The following LYRM4 variants were observed in gnomAD, a reference collection of about 807,000 sequenced individuals.
The protein encoded by LYRM4 is LYR motif containing 4, also known as LYR motif-containing protein 4.
Under a neutral mutation model 11.7 loss-of-function variants are expected in LYRM4, and 9 were observed. The ratio of observed to expected loss-of-function variants is 0.77; its 90% CI spans 0.46 to 1.34. The LOEUF is 1.34. Among genes scored for constraint, LYRM4 ranks in the 40% most tolerant of loss-of-function variants. LYRM4 has a pLI of 0.00. For synonymous variants in LYRM4, 42 were observed against 40.4 expected (o/e 1.04, Z -0.15); for missense variants, 133 against 112.5 (o/e 1.18, Z -0.82).
the LYRM4 span, chr6:5,085,152 C>T: frequency 2.9e-6 from 1 of 346,392 alleles, no homozygotes; most frequent in Non-Finnish European, 5.2e-6. Context: ...CCGCATTCCA[C>T]CGGAGCACTC....
At chr6:5,248,298 G>T (rs1452017402) in intron 1 of LYRM4, among the ~76,000 whole-genome samples, 1 of 152,202 alleles carries the variant, frequency 6.6e-6, no homozygotes, top group African/African-American at 2.4e-5. Context: ...CTGTAGCCAG[G>T]CCTCTGGAAA....
rs137923233 is a variant in LYRM4, at chr6:5,213,364, G to A, written c.207+3254C>T. On this transcript the variant is annotated intron_variant, in intron 2 of 2. Coordinates refer to ENST00000330636, the MANE Select transcript of LYRM4 (RefSeq NM_020408.6). ...ATCATTAGCACCACAGCTGACTCAC[G>A]TGACTGAAGAAGCCACCCTCTGAAG... is the stretch of plus-strand genomic sequence containing the variant. Among the ~76,000 whole-genome samples the A allele has an allele frequency of 1.6e-3, 249 of 152,316 alleles. 1 individual carries two copies. The highest frequency in any genetic ancestry group is 3.0e-3 in the Non-Finnish European group (204 of 68,026).
chr6:5,140,991 A>G (rs1021080777), intron 2 of LYRM4, among the ~76,000 whole-genome samples: 89 of 152,372 alleles, frequency 5.8e-4, no homozygotes, highest in African/African-American at 2.1e-3. Context: ...AAATCAGACC[A>G]AGAGCCTCTG....
At chr6:5,237,686 A>T (rs1401489529) in intron 1 of LYRM4, among the ~76,000 whole-genome samples, 1 of 152,132 alleles carries the variant, frequency 6.6e-6, no homozygotes, top group African/African-American at 2.4e-5. Flanking sequence ...CTAAAAGACA[A>T]GCCCTGTATC....
chr6:5,105,251 C>T (rs981673955), downstream of LYRM4: 11 of 152,324 alleles, frequency 7.2e-5, no homozygotes, highest in Non-Finnish European at 1.2e-4. Flanking sequence ...TGGACTTTCT[C>T]GCGCATCGGC....
chr6:5,157,000 GGTAA>G (rs1758451931), intron 2 of LYRM4, among the ~76,000 whole-genome samples: 1 of 152,120 alleles, frequency 6.6e-6, no homozygotes, highest in African/African-American at 2.4e-5. Context: ...AGTTTTTCCT[GGTAA>G]GTAAGAATAA....
chr6:5,093,119 C>CA, the LYRM4 span, among the ~76,000 whole-genome samples: 4 of 152,166 alleles, frequency 2.6e-5, no homozygotes, highest in Non-Finnish European at 5.9e-5. Context: ...CAACCCCTCC[C>CA]AAAAAACCCC....
chr6:5,213,313 G>T (rs1762081600), intron 2 of LYRM4, among the ~76,000 whole-genome samples: 1 of 152,176 alleles, frequency 6.6e-6, no homozygotes, highest in African/African-American at 2.4e-5. Flanking sequence ...ACTTACTAGG[G>T]TTATGGGACG....
At chr6:5,234,786 A>G (rs192297932) in intron 1 of LYRM4, among the ~76,000 whole-genome samples, 1 of 152,334 alleles carries the variant, frequency 6.6e-6, no homozygotes, top group Admixed American at 6.5e-5. Flanking sequence ...GGAACTGAAC[A>G]TGGGATGGAA....
chr6:5,210,227 T>G (rs1761921267), intron 2 of LYRM4, among the ~76,000 whole-genome samples: 1 of 152,210 alleles, frequency 6.6e-6, no homozygotes. Flanking sequence ...GTCTAACATG[T>G]ATCAGTAGTT....
At chr6:5,078,701 C>T in the LYRM4 span, among the ~76,000 whole-genome samples, 2 of 152,102 alleles carry the variant, frequency 1.3e-5, no homozygotes, top group African/African-American at 4.8e-5. Context: ...AAATTCATTG[C>T]AAGTGTATTC....
At chr6:5,208,687 G>C (rs534183971) in intron 2 of LYRM4, among the ~76,000 whole-genome samples, 1 of 152,296 alleles carries the variant, frequency 6.6e-6, no homozygotes, top group Non-Finnish European at 1.5e-5. Flanking sequence ...CCTTCCACAG[G>C]AACGCCAACT....
chr6:5,041,106 A>T, the LYRM4 span, among the ~76,000 whole-genome samples: 2 of 152,074 alleles, frequency 1.3e-5, no homozygotes, highest in African/African-American at 4.8e-5. Context: ...TGGAGGTTGC[A>T]GTGAGTGGAG....
intron 1 of LYRM4, among the ~76,000 whole-genome samples, chr6:5,242,831 T>A (rs893855209): frequency 1.4e-5 from 2 of 147,618 alleles, no homozygotes; most frequent in African/African-American, 5.0e-5. Flanking sequence ...CGGACTGCAG[T>A]GGCGCAATCT....
In LYRM4 at chr6:5,144,110, G is replaced by A. The variant is rs886585780; in HGVS notation, c.208-34619C>T. The A allele has an allele frequency of 9.1e-6, 14 of 1,535,194 alleles. No individual in the cohort carries two copies. In the Admixed American group the frequency reaches 2.2e-4, roughly 24 times the overall value. On this transcript the variant is annotated intron_variant, in intron 2 of 2. Transcript: ENST00000330636. ...TAGAGAGGTGAGAGCGATCTGATCT[G>A]ATGTGACCACATAGTCAGAATGCTC...
chr6:5,163,087 C>T (rs1028490398), intron 2 of LYRM4, among the ~76,000 whole-genome samples: 2 of 151,942 alleles, frequency 1.3e-5, no homozygotes, highest in Admixed American at 6.6e-5. Context: ...TAATATGGTC[C>T]AATGTATTAA....
the LYRM4 span, among the ~76,000 whole-genome samples, chr6:5,078,599 T>A: frequency 6.6e-6 from 1 of 152,212 alleles, no homozygotes; most frequent in Non-Finnish European, 1.5e-5. Context: ...TCCCTGGCTT[T>A]ATATTCTGAG....
chr6:5,256,151 A>G (rs1378248767), intron 1 of LYRM4, among the ~76,000 whole-genome samples: 1 of 152,048 alleles, frequency 6.6e-6, no homozygotes, highest in African/African-American at 2.4e-5. Flanking sequence ...GAACATCAGA[A>G]TTGAAGGAGT....
chr6:5,148,519 G>GGGCGCAGAGTCAGAACTCTGAA (rs1349462777), intron 2 of LYRM4, among the ~76,000 whole-genome samples: 8 of 42,982 alleles, frequency 1.9e-4, no homozygotes, highest in South Asian at 1.1e-3. Context: ...GCTGGGCTGG[G>GGGCGCAGAGTCAGAACTCTGAA]TATACGCCTT....
Sources: gnomAD v4.1 joint callset for allele counts (sites outside exome capture counted in the v4.1 genomes callset) on GRCh38, gnomAD v4.1.1 for gene constraint, MANE v1.5 for transcripts, NCBI Gene and HGNC (gene_info 2026-07-23, HGNC 2026-07-21) for gene names.